Variants in MEF2C observed in about 807,000 individuals in gnomAD.
MEF2C encodes the protein myocyte enhancer factor 2C.
In MEF2C, 6 loss-of-function variants were observed where a neutral mutation model predicts 50.5. The ratio of observed to expected loss-of-function variants is 0.12; its 90% CI spans 0.07 to 0.23. The LOEUF (loss-of-function observed/expected upper bound fraction) is 0.23. MEF2C is among the 10% of genes least tolerant of loss of function. The probability of loss-of-function intolerance (pLI) is 1.00; values close to 1 mark genes in which losing one functional copy is unlikely to be tolerated. For missense variants in MEF2C, 276 were observed against 605.0 expected (o/e 0.46, Z 5.70); for synonymous variants, 183 against 228.0 (o/e 0.80, Z 1.78).
chr5:88,740,422 G>A (rs1490160993), intron 6 of MEF2C: 7 of 985,028 alleles, frequency 7.1e-6, no homozygotes, highest in Admixed American at 1.2e-4. Flanking sequence ...TTGTGTTGGC[G>A]AACATTTTCT....
rs574271419 is a variant in MEF2C at position 88,837,276 on chromosome 5, A to G, written c.-142-13346T>C. Among the ~76,000 whole-genome samples the G allele has an allele frequency of 1.2e-3, 178 of 152,328 alleles. 3 individuals carry two copies. The highest frequency in any genetic ancestry group is 4.6e-4 in the Non-Finnish European group (31 of 68,022). On this transcript the variant is annotated intron_variant, in intron 1 of 10. Transcript: ENST00000504921. ...CAAGGAAAATACAATAGTATTGCTG[A>G]AGACATGATAAAACAATGGAAAACT...
chr5:88,804,728 A>G lies in MEF2C; in HGVS notation c.128T>C (p.Ile43Thr). The change falls in exon 3 of 11, where the codon ATT becomes ACT. Residue 43 changes from isoleucine (I) to threonine (T), a missense_variant. Coordinates refer to ENST00000504921, the MANE Select transcript of MEF2C (RefSeq NM_002397.5). ...GGTGCTGTTGAAGATGATCAGCGCA[A>G]TCTCACAGTCACACAGCACGCTCAG... ...YELSVLCDCE[I>T]ALIIFNSTNK... The G allele has an allele frequency of 6.2e-7, 1 of 1,614,184 alleles. No individual in the cohort carries two copies. Among genetic ancestry groups the G allele is most frequent in the Non-Finnish European group, 8.5e-7 (1 of 1,180,012 alleles).
intron 1 of MEF2C, among the ~76,000 whole-genome samples, chr5:88,853,649 G>A (rs540064724): frequency 2.0e-5 from 3 of 152,238 alleles, no homozygotes; most frequent in African/African-American, 7.2e-5. Context: ...ATCATCATCT[G>A]ATATTAAACA....
Position 88,768,663 on chromosome 5 carries a change from G to A in MEF2C, c.259-7335C>T, listed in dbSNP as rs561938887. On this transcript the variant is annotated intron_variant, in intron 3 of 10. Coordinates refer to ENST00000504921, the MANE Select transcript of MEF2C (RefSeq NM_002397.5). Reference sequence around the variant, plus strand: ...TGCAGCATTCATGACAAACTGAAATGAATAGATGAACAGAACAGAAAAGAA... The same window carrying A: ...TGCAGCATTCATGACAAACTGAAATAAATAGATGAACAGAACAGAAAAGAA... The A allele has an allele frequency of 1.9e-5, 19 of 984,308 alleles. No individual in the cohort carries two copies. The African/African-American group carries it at 3.1e-4, about 16-fold the overall frequency. 61.0% of individuals were successfully genotyped at this position (984,308 alleles called of 1,614,324 possible). A position where few individuals can be genotyped will look rare whatever the true frequency, so the allele number is the denominator to read the frequency against.
At chr5:88,864,767 A>ATT (rs397881979) in intron 1 of MEF2C, among the ~76,000 whole-genome samples, 4 of 139,044 alleles carry the variant, frequency 2.9e-5, no homozygotes, top group African/African-American at 7.9e-5. Flanking sequence ...GTTTTTTCAA[A>ATT]TTTTTTTTTT....
At chr5:88,755,356 T>A (rs1024777257) in intron 4 of MEF2C, among the ~76,000 whole-genome samples, 1 of 152,202 alleles carries the variant, frequency 6.6e-6, no homozygotes, top group Non-Finnish European at 1.5e-5. Context: ...GTAAGTTAAG[T>A]AAGTGACCCA....
chr5:88,865,755 T>A lies in MEF2C; in HGVS notation c.-143+17200A>T, dbSNP rs553363570. ...AAGAATGAACACTGAGTGTTACCAA[T>A]GGGACTTAATATTGCATAAAGCACA... On this transcript the variant is annotated intron_variant, in intron 1 of 10. Transcript: ENST00000504921. Among the ~76,000 whole-genome samples, 7 of 152,332 alleles carry A rather than the reference T, an allele frequency of 4.6e-5. No homozygotes were observed. The East Asian group carries it at 1.3e-3, about 29-fold the overall frequency.
chr5:88,739,315 T>C, intron 6 of MEF2C: 13 of 984,574 alleles, frequency 1.3e-5, no homozygotes, highest in Non-Finnish European at 1.6e-5. Flanking sequence ...CTGCTTTTAC[T>C]TCAACAAAAT....
At chr5:88,759,718 C>T (rs1333953797) in intron 4 of MEF2C, among the ~76,000 whole-genome samples, 1 of 152,212 alleles carries the variant, frequency 6.6e-6, no homozygotes, top group Non-Finnish European at 1.5e-5. Context: ...AGCTTTCCTT[C>T]ATGATACAGT....
chr5:88,814,501 T>A (rs557639482), intron 2 of MEF2C, among the ~76,000 whole-genome samples: 1 of 152,104 alleles, frequency 6.6e-6, no homozygotes, highest in Non-Finnish European at 1.5e-5. Flanking sequence ...GGGACTATTG[T>A]CCTCGTTAGC....
chr5:88,824,188 C>T, intron 1 of MEF2C: 1 of 956,954 alleles, frequency 1.0e-6, no homozygotes, highest in Non-Finnish European at 1.2e-6. Context: ...TTTTTAAAGA[C>T]TAACACTTGA....
intron 6 of MEF2C, chr5:88,743,300 T>A (rs2152434429): frequency 1.0e-6 from 1 of 985,326 alleles, no homozygotes; most frequent in South Asian, 4.7e-5. Flanking sequence ...TTAAACTAAA[T>A]TTTTAACCAC....
At chr5:88,773,821 T>A (rs1216695851) in intron 3 of MEF2C, among the ~76,000 whole-genome samples, 1 of 152,238 alleles carries the variant, frequency 6.6e-6, no homozygotes, top group Non-Finnish European at 1.5e-5. Flanking sequence ...GCAGTCTTGG[T>A]CTCTAGTCTT....
At chr5:88,785,180 CT>C (rs1409327584) in intron 3 of MEF2C, among the ~76,000 whole-genome samples, 8 of 151,870 alleles carry the variant, frequency 5.3e-5, no homozygotes, top group African/African-American at 1.9e-4. Context: ...ATGAACTGTG[CT>C]GACATTTCCA....
intron 1 of MEF2C, among the ~76,000 whole-genome samples, chr5:88,841,566 T>G (rs926260825): frequency 6.6e-6 from 1 of 151,954 alleles, no homozygotes; most frequent in Non-Finnish European, 1.5e-5. Context: ...TCTTAGGCTT[T>G]AGTCAAACCT....
intron 3 of MEF2C, among the ~76,000 whole-genome samples, chr5:88,781,589 T>C (rs1788056331): frequency 6.6e-6 from 1 of 152,186 alleles, no homozygotes; most frequent in Non-Finnish European, 1.5e-5. Flanking sequence ...AGGGCTTTTA[T>C]TATATGGATG....
chr5:88,795,649 T>C (rs1216548008), intron 3 of MEF2C, among the ~76,000 whole-genome samples: 1 of 152,224 alleles, frequency 6.6e-6, no homozygotes, highest in African/African-American at 2.4e-5. Flanking sequence ...TCTTGCCTGA[T>C]TGCCCTGGCC....
chr5:88,901,803 A>G (rs1487347485), intron 1 of MEF2C, among the ~76,000 whole-genome samples: 5 of 152,028 alleles, frequency 3.3e-5, no homozygotes, highest in African/African-American at 1.2e-4. Context: ...GCCTCTCATA[A>G]TGAAAATTTT....
At position 88,743,578 on chromosome 5, in the gene MEF2C, C is replaced by G. The variant is rs141777383; in HGVS notation, c.637+5492G>C. Reference sequence around the variant, plus strand: ...ATGATTATATTATCATAAAACATTGCGTGTAAATGGATTGTAAAAATATTT... The same window carrying G: ...ATGATTATATTATCATAAAACATTGGGTGTAAATGGATTGTAAAAATATTT... On this transcript the variant is annotated intron_variant, in intron 6 of 10. Coordinates refer to ENST00000504921, the MANE Select transcript of MEF2C (RefSeq NM_002397.5). 1.8e-4 allele frequency: 179 copies of G among 978,380 alleles called. No individual in the cohort carries two copies. In the African/African-American group the frequency reaches 3.0e-3, roughly 17 times the overall value. 60.6% of individuals were successfully genotyped at this position (978,380 alleles called of 1,614,324 possible).
Sources: allele counts gnomAD v4.1 joint callset (sites outside exome capture counted in the v4.1 genomes callset), GRCh38; gene constraint gnomAD v4.1.1; transcripts MANE v1.5; gene names NCBI Gene and HGNC (gene_info 2026-07-23, HGNC 2026-07-21).